SGK3: variants seen among roughly 807,000 people sequenced by gnomAD.
The protein encoded by SGK3 is serine/threonine-protein kinase Sgk3.
A neutral mutation model predicts 68.5 loss-of-function variants in SGK3; 47 were observed. That is an observed-to-expected ratio of 0.69 (90% CI 0.54 to 0.87). SGK3 has a LOEUF of 0.87. SGK3 is among the 40% of genes least tolerant of loss of function. The pLI is 0.00. For synonymous variants in SGK3, 181 were observed against 189.1 expected (o/e 0.96, Z 0.35); for missense variants, 479 against 575.5 (o/e 0.83, Z 1.72).
chr8:66,719,140 AT>A (rs1804726436), intron 1 of SGK3, among the ~76,000 whole-genome samples: 3 of 152,128 alleles, frequency 2.0e-5, no homozygotes, highest in Admixed American at 6.6e-5. Flanking sequence ...TAATAAAAAA[AT>A]ACATCCTCTC....
intron 1 of SGK3, among the ~76,000 whole-genome samples, chr8:66,722,249 A>C (rs893548649): frequency 1.3e-5 from 2 of 152,066 alleles, no homozygotes; most frequent in African/African-American, 4.8e-5. Flanking sequence ...ATTATTGGAA[A>C]AGCTTTTGTA....
At chr8:66,767,369 A>T in intron 1 of SGK3, 1 of 1,138,990 alleles carries the variant, frequency 8.8e-7, no homozygotes, top group East Asian at 2.3e-5. Context: ...TAATAGAAAT[A>T]TACACAAACT....
intron 1 of SGK3, chr8:66,767,963 C>T (rs780524470): frequency 2.9e-5 from 26 of 888,230 alleles, no homozygotes; most frequent in Non-Finnish European, 4.8e-5. Flanking sequence ...ACAAGGATGC[C>T]TGGTTCTTCG....
At chr8:66,722,474 G>C (rs376105056) in intron 1 of SGK3, among the ~76,000 whole-genome samples, 13 of 152,170 alleles carry the variant, frequency 8.5e-5, no homozygotes, top group Middle Eastern at 3.4e-3. Context: ...GTAGAGATGG[G>C]GTTTCACCAG....
intron 1 of SGK3, among the ~76,000 whole-genome samples, chr8:66,757,070 A>G (rs558723226): frequency 1.3e-5 from 2 of 150,880 alleles, no homozygotes; most frequent in South Asian, 2.1e-4. Flanking sequence ...GATTCAATGC[A>G]TAGTGCAAAA....
intron 6 of SGK3, among the ~76,000 whole-genome samples, chr8:66,824,803 A>G (rs1808984644): frequency 6.6e-6 from 1 of 152,230 alleles, no homozygotes; most frequent in Non-Finnish European, 1.5e-5. Context: ...ATCAGTATTT[A>G]AAACATATGC....
intron 6 of SGK3, among the ~76,000 whole-genome samples, chr8:66,824,377 A>G (rs1808969530): frequency 6.6e-6 from 1 of 152,202 alleles, no homozygotes; most frequent in East Asian, 1.9e-4. Context: ...GAATACTCTT[A>G]GTAAAAAAAC....
At chr8:66,735,375 C>G (rs1189800107) in intron 1 of SGK3, among the ~76,000 whole-genome samples, 1 of 152,196 alleles carries the variant, frequency 6.6e-6, no homozygotes, top group Non-Finnish European at 1.5e-5. Flanking sequence ...GCGTATAGCT[C>G]TCTTAAAATG....
intron 1 of SGK3, among the ~76,000 whole-genome samples, chr8:66,713,115 C>T (rs1400878206): frequency 6.6e-6 from 1 of 152,194 alleles, no homozygotes; most frequent in East Asian, 1.9e-4. Flanking sequence ...GAACTGGGAA[C>T]GCCGAGCAGG....
intron 5 of SGK3, among the ~76,000 whole-genome samples, chr8:66,814,594 G>A (rs1197371589): frequency 6.6e-6 from 1 of 152,202 alleles, no homozygotes; most frequent in East Asian, 1.9e-4. Flanking sequence ...GTTGTCTGGG[G>A]TTGGGTGCAC....
intron 1 of SGK3, among the ~76,000 whole-genome samples, chr8:66,745,563 G>C (rs770443266): frequency 4.6e-5 from 7 of 151,338 alleles, no homozygotes; most frequent in Non-Finnish European, 1.0e-4. Flanking sequence ...AACAGAGAGA[G>C]ACTGTCTCAA....
intron 13 of SGK3, among the ~76,000 whole-genome samples, chr8:66,843,205 T>G (rs964112306): frequency 3.9e-5 from 6 of 152,194 alleles, no homozygotes; most frequent in African/African-American, 1.4e-4. Context: ...TTCGCGATAC[T>G]CTTATTTATT....
chr8:66,831,432 T>A, intron 8 of SGK3, 121 bp downstream of exon 8: 1 of 1,209,192 alleles, frequency 8.3e-7, no homozygotes, highest in Non-Finnish European at 1.2e-6. Context: ...CTTGAACTCC[T>A]GGGCTCAAGC....
chr8:66,817,374 T>C (rs1808634320), intron 5 of SGK3, among the ~76,000 whole-genome samples: 1 of 151,360 alleles, frequency 6.6e-6, no homozygotes, highest in African/African-American at 2.4e-5. Context: ...GAGGTTGCAG[T>C]GAGCCAAGAT....
intron 1 of SGK3, among the ~76,000 whole-genome samples, chr8:66,740,750 T>C (rs548970668): frequency 6.6e-6 from 1 of 151,472 alleles, no homozygotes; most frequent in Admixed American, 6.6e-5. Flanking sequence ...CTACTGAAAA[T>C]ATAAAAATTA....
intron 1 of SGK3, among the ~76,000 whole-genome samples, chr8:66,745,708 C>G (rs1278891875): frequency 1.3e-5 from 2 of 152,160 alleles, no homozygotes; most frequent in Admixed American, 6.5e-5. Flanking sequence ...TTATAAGGAA[C>G]AGAAATTTAT....
intron 1 of SGK3, among the ~76,000 whole-genome samples, chr8:66,724,279 C>G (rs1275609171): frequency 6.6e-6 from 1 of 152,258 alleles, no homozygotes; most frequent in African/African-American, 2.4e-5. Context: ...CATACCCAGC[C>G]TATTTCTCCT....
chr8:66,717,283 AT>A (rs897651320), intron 1 of SGK3, among the ~76,000 whole-genome samples: 25 of 151,482 alleles, frequency 1.7e-4, no homozygotes, highest in Non-Finnish European at 2.6e-4. Flanking sequence ...TAATCCCAGC[AT>A]TTTGGGAGGC....
At chr8:66,828,011 C>T (rs942885148) in intron 6 of SGK3, among the ~76,000 whole-genome samples, 2 of 151,892 alleles carry the variant, frequency 1.3e-5, no homozygotes, top group African/African-American at 2.4e-5. Context: ...GTAGTTCCAG[C>T]TATTCGGGAG....
Sources: allele counts gnomAD v4.1 joint callset (sites outside exome capture counted in the v4.1 genomes callset), GRCh38; gene constraint gnomAD v4.1.1; transcripts MANE v1.5; gene names NCBI Gene and HGNC (gene_info 2026-07-23, HGNC 2026-07-21).